Variants in IL1RAPL2 observed in about 807,000 individuals in gnomAD.
The protein encoded by IL1RAPL2 is interleukin 1 receptor accessory protein like 2, also known as X-linked interleukin-1 receptor accessory protein-like 2.
In IL1RAPL2, 3 loss-of-function variants were observed where a neutral mutation model predicts 44.1. The observed-to-expected ratio is 0.07, with a 90% CI of 0.03 to 0.18. The LOEUF is 0.18. Among genes scored for constraint, IL1RAPL2 ranks in the 10% least tolerant of loss-of-function variants. The pLI is 1.00. For missense variants in IL1RAPL2, 391 were observed against 496.4 expected (o/e 0.79, Z 2.02); for synonymous variants, 181 against 178.8 (o/e 1.01, Z -0.10).
intron 2 of IL1RAPL2, among the ~76,000 whole-genome samples, chrX:104,786,900 A>G (rs936536094): frequency 1.4e-5 from 1 of 69,509 alleles, no homozygotes; most frequent in East Asian, 4.6e-4. Context: ...TCCCTCTCTC[A>G]TTCTCATTCT....
intron 6 of IL1RAPL2, among the ~76,000 whole-genome samples, chrX:105,600,848 A>G (rs187002706): frequency 9.0e-6 from 1 of 111,176 alleles, no homozygotes. Context: ...CTTAATGACC[A>G]TTCCAATTGA....
chrX:105,727,640 G>T (rs1416242660), intron 7 of IL1RAPL2, among the ~76,000 whole-genome samples: 1 of 111,218 alleles, frequency 9.0e-6, no homozygotes, highest in Non-Finnish European at 1.9e-5. Context: ...AAGTAATTTG[G>T]AATCTGCCTG....
intron 6 of IL1RAPL2, among the ~76,000 whole-genome samples, chrX:105,671,901 A>G (rs2037827693): frequency 9.1e-6 from 1 of 109,889 alleles, no homozygotes; most frequent in African/African-American, 3.3e-5. Flanking sequence ...TTTCAGTTCG[A>G]TGGTTTATTT....
chrX:105,115,088 G>A lies in IL1RAPL2; in HGVS notation c.83-80387G>A, dbSNP rs762910682. The stretch of plus-strand genomic sequence containing the variant: ...CAAGAATGAAGCTGCAGACCCCCGC[G>A]GTGAGTGTTACAGTTCTTAAAGGTG... On this transcript the variant is annotated intron_variant, in intron 2 of 10. Coordinates refer to ENST00000372582, the MANE Select transcript of IL1RAPL2 (RefSeq NM_017416.2). Among the ~76,000 whole-genome samples the A allele has an allele frequency of 8.1e-5, 9 of 111,337 alleles. No homozygotes were observed. The South Asian group carries it at 3.1e-3, about 39-fold the overall frequency.
intron 2 of IL1RAPL2, among the ~76,000 whole-genome samples, chrX:104,692,761 TG>T (rs1419418187): frequency 1.6e-4 from 18 of 111,898 alleles, no homozygotes; most frequent in Admixed American, 1.5e-3. Context: ...ACACTTGGCT[TG>T]GTTCCAAGTC....
At chrX:104,708,308 G>A (rs1931394849) in intron 2 of IL1RAPL2, among the ~76,000 whole-genome samples, 1 of 111,170 alleles carries the variant, frequency 9.0e-6, no homozygotes, top group Non-Finnish European at 1.9e-5. Flanking sequence ...CCTTGGTCTT[G>A]TAGTCCTTTT....
At chrX:104,684,114 A>T (rs1930939921) in intron 2 of IL1RAPL2, among the ~76,000 whole-genome samples, 1 of 112,132 alleles carries the variant, frequency 8.9e-6, no homozygotes, top group Non-Finnish European at 1.9e-5. Flanking sequence ...GAAGACATAA[A>T]GTACCCTAGA....
At chrX:105,335,202 C>T (rs1019884806) in intron 5 of IL1RAPL2, among the ~76,000 whole-genome samples, 3 of 111,350 alleles carry the variant, frequency 2.7e-5, no homozygotes, top group Non-Finnish European at 3.8e-5. Context: ...GCCCTTGATG[C>T]CCTTGTCCTT....
At chrX:105,095,660 T>C (rs1385006840) in intron 2 of IL1RAPL2, among the ~76,000 whole-genome samples, 1 of 111,749 alleles carries the variant, frequency 8.9e-6, no homozygotes, top group Non-Finnish European at 1.9e-5. Context: ...AAGAATAAAT[T>C]TGGACCACTT....
chrX:105,252,571 C>T (rs190161497), intron 4 of IL1RAPL2, among the ~76,000 whole-genome samples: 6 of 111,776 alleles, frequency 5.4e-5, no homozygotes, highest in African/African-American at 1.9e-4. Flanking sequence ...CCCAGGGATA[C>T]AAACAGTTCA....
intron 2 of IL1RAPL2, among the ~76,000 whole-genome samples, chrX:104,974,584 G>T (rs2030297327): frequency 8.9e-6 from 1 of 112,305 alleles, no homozygotes; most frequent in Admixed American, 9.5e-5. Flanking sequence ...ACAGGAAGAG[G>T]CAGGGAAGAA....
At chrX:104,917,944 A>G (rs1044050188) in intron 2 of IL1RAPL2, among the ~76,000 whole-genome samples, 1 of 111,864 alleles carries the variant, frequency 8.9e-6, no homozygotes, top group Admixed American at 9.5e-5. Flanking sequence ...GCTGATCTGC[A>G]GTAGTGGTGA....
intron 6 of IL1RAPL2, among the ~76,000 whole-genome samples, chrX:105,656,327 C>T (rs2037676982): frequency 1.8e-5 from 2 of 111,871 alleles, no homozygotes; most frequent in African/African-American, 3.2e-5. Flanking sequence ...CATATGCATA[C>T]CCCCATTATT....
chrX:105,599,436 C>G (rs1038253429), intron 6 of IL1RAPL2, among the ~76,000 whole-genome samples: 1 of 111,049 alleles, frequency 9.0e-6, no homozygotes, highest in Admixed American at 9.6e-5. Flanking sequence ...TACTAGTTTT[C>G]TAGCTGTGTG....
intron 2 of IL1RAPL2, among the ~76,000 whole-genome samples, chrX:104,993,844 G>A (rs2030705605): frequency 8.9e-6 from 1 of 111,784 alleles, no homozygotes. Context: ...AACTTCGGCT[G>A]TCTGAGTCTA....
chrX:104,818,939 A>T (rs191750490), intron 2 of IL1RAPL2, among the ~76,000 whole-genome samples: 10 of 112,122 alleles, frequency 8.9e-5, no homozygotes, highest in African/African-American at 3.2e-4. Flanking sequence ...GGCATATAGT[A>T]AGTGTTCAAT....
At chrX:104,954,933 G>T (rs1206342197) in intron 2 of IL1RAPL2, among the ~76,000 whole-genome samples, 2 of 113,129 alleles carry the variant, frequency 1.8e-5, no homozygotes, top group East Asian at 5.5e-4. Context: ...CTCCTGCAGA[G>T]CGGGGCTACC....
At chrX:105,173,584 A>G (rs2033444283) in intron 2 of IL1RAPL2, among the ~76,000 whole-genome samples, 1 of 111,292 alleles carries the variant, frequency 9.0e-6, no homozygotes, top group African/African-American at 3.3e-5. Context: ...AATTAACAAG[A>G]GGAGGCTGTG....
At chrX:105,071,993 C>A (rs1225271067) in intron 2 of IL1RAPL2, among the ~76,000 whole-genome samples, 1 of 111,728 alleles carries the variant, frequency 9.0e-6, no homozygotes, top group African/African-American at 3.3e-5. Flanking sequence ...AAAACACAGG[C>A]AACTGATATA....
Sources: allele counts gnomAD v4.1 joint callset (sites outside exome capture counted in the v4.1 genomes callset), GRCh38; gene constraint gnomAD v4.1.1; transcripts MANE v1.5; gene names NCBI Gene and HGNC (gene_info 2026-07-23, HGNC 2026-07-21).